KBTBD8: variants seen among roughly 807,000 people sequenced by gnomAD.
The protein encoded by KBTBD8 is kelch repeat and BTB domain containing 8.
In KBTBD8, 31 loss-of-function variants were observed where a neutral mutation model predicts 53.5. The ratio of observed to expected loss-of-function variants is 0.58; its 90% confidence interval spans 0.44 to 0.78. The LOEUF (loss-of-function observed/expected upper bound fraction) is 0.78. Ranked by LOEUF, KBTBD8 falls within the 30% of genes least tolerant of loss-of-function variation. The pLI is 0.00. For missense variants in KBTBD8, 642 were observed against 735.8 expected, an observed-to-expected ratio of 0.87 and a Z score of 1.48; for synonymous variants, 250 against 247.3, an observed-to-expected ratio of 1.01 and a Z score of -0.10.
intron 2 of KBTBD8, among the ~76,000 whole-genome samples, chr3:67,001,453 AG>A (rs954681026): frequency 2.0e-5 from 3 of 152,216 alleles, no homozygotes; most frequent in African/African-American, 4.8e-5. Flanking sequence ...GTTTACATGA[AG>A]AACTTACTAG....
chr3:66,998,496 G>A lies in KBTBD8; in HGVS notation c.16+125G>A, dbSNP rs1224327995. The A allele has an allele frequency of 1.2e-5, 9 of 779,244 alleles. No individual in the cohort carries two copies. In the East Asian group the frequency reaches 3.0e-4, roughly 26 times the overall value. The allele number at this position is 779,244 out of a possible 1,614,324, so 48.3% of individuals were successfully genotyped here. A position where few individuals can be genotyped will look rare whatever the true frequency, so the allele number is the denominator to read the frequency against. On this transcript the variant is annotated intron_variant, in intron 1 of 3. Coordinates refer to ENST00000417314, the MANE Select transcript of KBTBD8 (RefSeq NM_032505.3). The stretch of plus-strand genomic sequence containing the variant: ...CTAGAGGGAAGGATGAAGCGGTGGA[G>A]GGGAATGAGAAGAGGGAGGATGAAT...
intron 2 of KBTBD8, among the ~76,000 whole-genome samples, chr3:67,002,035 G>T (rs1674887942): frequency 6.6e-6 from 1 of 152,032 alleles, no homozygotes; most frequent in African/African-American, 2.4e-5. Flanking sequence ...TCCCATAAAT[G>T]CAACAATATT....
At chr3:67,001,336 T>C (rs1003106333) in intron 2 of KBTBD8, among the ~76,000 whole-genome samples, 8 of 152,212 alleles carry the variant, frequency 5.3e-5, no homozygotes, top group African/African-American at 1.9e-4. Context: ...GGAATGGCTG[T>C]TTCATGATAC....
In KBTBD8 at chr3:67,002,700, C is replaced by T. The variant is rs781131500; in HGVS notation, c.228-495C>T. 1.1e-4 allele frequency among the ~76,000 whole-genome samples: 17 copies of T among 151,798 alleles called. 1 individual carries two copies. Among genetic ancestry groups the T allele is most frequent in the Non-Finnish European group, 4.4e-5 (3 of 67,948 alleles). Reference sequence around the variant, plus strand: ...TATTTTAGTAGAGATGGGGTTTCACCGTCTTGGCCAGGCAGATTTTGAACT... The same window carrying T: ...TATTTTAGTAGAGATGGGGTTTCACTGTCTTGGCCAGGCAGATTTTGAACT... On this transcript the variant is annotated intron_variant, in intron 2 of 3. Transcript: ENST00000417314.
chr3:67,005,999 T>C (rs1159672390), intron 3 of KBTBD8, among the ~76,000 whole-genome samples: 1 of 152,206 alleles, frequency 6.6e-6, no homozygotes, highest in Admixed American at 6.5e-5. Context: ...TCTGAGCTCA[T>C]TTGTTTAAGT....
Position 67,004,047 on chromosome 3 carries a change from C to G in KBTBD8, c.1080C>G (p.Phe360Leu), listed in dbSNP as rs1372420406. 2 of 1,614,202 alleles carry G rather than the reference C, an allele frequency of 1.2e-6. No homozygotes were observed. The highest frequency in any genetic ancestry group is 1.7e-6 in the Non-Finnish European group (2 of 1,180,038). ...VSIDHKAEND[F>L]WMYDHSTNRW... ...TCGACCATAAGGCAGAAAATGATTT[C>G]TGGATGTATGATCATTCCACCAATA... is the stretch of plus-strand genomic sequence containing the variant. The change falls in exon 3 of 4, where the codon TTC (phenylalanine) becomes TTG (leucine). Residue 360 changes from phenylalanine (F) to leucine (L), a missense_variant. By Grantham distance (22) the Phe-to-Leu change is conservative. Coordinates refer to ENST00000417314, the MANE Select transcript of KBTBD8 (RefSeq NM_032505.3).
At chr3:66,998,920 A>G in intron 1 of KBTBD8, 61 bp from the exon 2 acceptor site, 1 of 1,337,406 alleles carries the variant, frequency 7.5e-7, no homozygotes, top group Non-Finnish European at 1.0e-6. Flanking sequence ...AAACAGAAAA[A>G]TCCCGCGATG....
intron 3 of KBTBD8, among the ~76,000 whole-genome samples, chr3:67,005,313 T>C (rs1478434279): frequency 4.6e-5 from 7 of 152,228 alleles, no homozygotes; most frequent in Admixed American, 4.6e-4. Context: ...TTTTGGTCAA[T>C]GATGGATCAC....
At position 67,008,246 on chromosome 3, in the gene KBTBD8, A is replaced by AT. The variant is rs1383389582; in HGVS notation, c.1669dup (p.Ser557PhefsTer6). The AT allele has an allele frequency of 6.2e-7, 1 of 1,614,082 alleles. No homozygotes were observed. ...CACGTCTTCAGAACCAGCAGAAAAA[A>AT]TTCCCTTTACCAATATGATGACATT... On this transcript the variant is annotated frameshift_variant, in exon 4 of 4. Transcript: ENST00000417314. LOFTEE classifies it high-confidence loss of function.
At chr3:66,998,878 G>A (rs1249229823) in intron 1 of KBTBD8, 103 bp from the exon 2 acceptor site, 6 of 863,744 alleles carry the variant, frequency 6.9e-6, no homozygotes, top group Non-Finnish European at 1.1e-5. Context: ...TATATATCTT[G>A]TAGGGGGAAA....
Position 67,011,113 on chromosome 3 carries a change from G to C in KBTBD8, c.*2728G>C, listed in dbSNP as rs984609903. 1.7e-4 allele frequency: 26 copies of C among 152,696 alleles called. No homozygotes were observed. The highest frequency in any genetic ancestry group is 5.8e-4 in the African/African-American group (24 of 41,562). 9.5% of individuals were successfully genotyped at this position (152,696 alleles called of 1,614,324 possible). A position where few individuals can be genotyped will look rare whatever the true frequency, so the allele number is the denominator to read the frequency against. ...GTACTGTAGTCCTGTGGGGGCAAAT[G>C]TGTAGATATTTTTAAACATTTTGCC... On this transcript the variant is annotated 3_prime_UTR_variant, in exon 4 of 4. Transcript: ENST00000417314.
chr3:67,007,974 C>T lies in KBTBD8; in HGVS notation c.1395C>T (p.Thr465=). The T allele has an allele frequency of 6.2e-7, 1 of 1,612,588 alleles. No homozygotes were observed. The stretch of plus-strand genomic sequence containing the variant: ...AAAAAGACTACTGGGGTTTCTTAAC[C>T]CCCATGACTGTGCCTAGAATCCAGG... The part of the protein sequence containing the change: ...EPQKDYWGFL[T]PMTVPRIQGL... Residue 465 remains threonine (T), a synonymous_variant, in exon 4 of 4, where the codon ACC becomes ACT. Transcript: ENST00000417314.
chr3:67,003,892 AT>A lies in KBTBD8; in HGVS notation c.926del (p.Ile309LysfsTer16). On this transcript the variant is annotated frameshift_variant, in exon 3 of 4. Transcript: ENST00000417314. LOFTEE classifies it high-confidence loss of function. ...GAAGCAAACAGTGCCTTGTCTAGATATAGTCACAGGAAGGGTGTTTAAACTA... is the reference window on the plus strand; with the variant it reads ...GAAGCAAACAGTGCCTTGTCTAGATAAGTCACAGGAAGGGTGTTTAAACTA... ...GKKQTVPCLD[I>X]VTGRVFKLCK... 1.2e-6 allele frequency: 2 copies of A among 1,614,178 alleles called. No homozygotes were observed. Among genetic ancestry groups the A allele is most frequent in the Non-Finnish European group, 1.7e-6 (2 of 1,180,018 alleles).
At chr3:66,999,487 G>C (rs1287682051) in intron 2 of KBTBD8, among the ~76,000 whole-genome samples, 1 of 152,118 alleles carries the variant, frequency 6.6e-6, no homozygotes, top group African/African-American at 2.4e-5. Context: ...GCCATGTGTG[G>C]CTGTTTAAAC....
chr3:67,008,382 C>G lies in KBTBD8; in HGVS notation c.1803C>G (p.Leu601=), dbSNP rs778369680. 2 of 1,597,614 alleles carry G rather than the reference C, an allele frequency of 1.3e-6. No homozygotes were observed. Among genetic ancestry groups the G allele is most frequent in the Non-Finnish European group, 1.7e-6 (2 of 1,167,920 alleles). The change falls in exon 4 of 4, where the codon CTC becomes CTG. Residue 601 remains leucine, a synonymous_variant. Transcript: ENST00000417314. ...ATCCTCAGTGTCTTCAGAAAGTACT[C>G]TAAATGAGTAGCAGGCCTTAGTGCA... The part of the protein sequence containing the change: ...KLYPQCLQKV[L]
Position 67,010,822 on chromosome 3 carries a change from T to C in KBTBD8, c.*2437T>C, listed in dbSNP as rs917329477. 7.9e-5 allele frequency: 12 copies of C among 152,752 alleles called. No homozygotes were observed. The highest frequency in any genetic ancestry group is 2.9e-4 in the African/African-American group (12 of 41,578). The allele number at this position is 152,752 out of a possible 1,614,324, so 9.5% of individuals were successfully genotyped here. On this transcript the variant is annotated 3_prime_UTR_variant, in exon 4 of 4. Transcript: ENST00000417314. ...TAATGCCAGTTCCACTTTAACTTTGTTTTTGCATTTGAAGAATGTATGTAG... is the reference window on the plus strand; with the variant it reads ...TAATGCCAGTTCCACTTTAACTTTGCTTTTGCATTTGAAGAATGTATGTAG...
chr3:67,003,483 A>G lies in KBTBD8; in HGVS notation c.516A>G (p.Lys172=). 3 of 1,614,208 alleles carry G rather than the reference A, an allele frequency of 1.9e-6. No individual in the cohort carries two copies. The highest frequency in any genetic ancestry group is 1.7e-5 in the Admixed American group (1 of 60,038). ...ATCAGGAACTCGGAGATCGATCAAAAGAATACATTCGTAAAAAGTTTCTGT... is the reference window on the plus strand; with the variant it reads ...ATCAGGAACTCGGAGATCGATCAAAGGAATACATTCGTAAAAAGTTTCTGT... ...YGHQELGDRS[K]EYIRKKFLCV... is the part of the protein sequence containing the mutation. Residue 172 remains lysine, a synonymous_variant, in exon 3 of 4, where the codon AAA becomes AAG. Transcript: ENST00000417314.
chr3:67,003,155 T>G (rs767650161), intron 2 of KBTBD8, 40 bp from the exon 3 acceptor site: 8 of 1,560,828 alleles, frequency 5.1e-6, no homozygotes, highest in Admixed American at 1.8e-5. Context: ...AATTTTGATT[T>G]ATAGCACACG....
At chr3:67,005,846 C>T (rs544074834) in intron 3 of KBTBD8, among the ~76,000 whole-genome samples, 7 of 152,024 alleles carry the variant, frequency 4.6e-5, no homozygotes, top group African/African-American at 7.2e-5. Flanking sequence ...TTGGTAGAGT[C>T]GGCGTTTCAC....
Sources: allele counts gnomAD v4.1 joint callset (sites outside exome capture counted in the v4.1 genomes callset), GRCh38; gene constraint gnomAD v4.1.1; transcripts MANE v1.5; gene names NCBI Gene and HGNC (gene_info 2026-07-23, HGNC 2026-07-21).